Variants in DSCAM observed in about 807,000 individuals in gnomAD.
DSCAM encodes DS cell adhesion molecule, also known as cell adhesion molecule DSCAM.
In DSCAM, 47 loss-of-function variants were observed where a neutral mutation model predicts 217.7. That is an observed-to-expected ratio of 0.22 (90% CI 0.17 to 0.28). The LOEUF (loss-of-function observed/expected upper bound fraction) is 0.28, where lower values mean the gene tolerates loss of function less well. Ranked by LOEUF, DSCAM falls within the 10% of genes least tolerant of loss-of-function variation. The pLI, the probability that DSCAM is intolerant of heterozygous loss-of-function variation, is 1.00. For missense variants in DSCAM, 2,080 were observed against 2,618.3 expected (o/e 0.79, Z 4.49); for synonymous variants, 1,056 against 1,015.3 (o/e 1.04, Z -0.76).
intron 3 of DSCAM, among the ~76,000 whole-genome samples, chr21:40,575,001 CCT>C (rs2076837555): frequency 1.4e-5 from 2 of 148,096 alleles, no homozygotes; most frequent in African/African-American, 2.5e-5. Context: ...CATCGCATCC[CCT>C]GTGACCTTCA....
intron 9 of DSCAM, among the ~76,000 whole-genome samples, chr21:40,300,830 A>G (rs1313623791): frequency 6.6e-6 from 1 of 152,144 alleles, no homozygotes; most frequent in African/African-American, 2.4e-5. Context: ...CTGGGGTGGA[A>G]TCCAATATTT....
chr21:40,072,102 G>T (rs1286559174), intron 27 of DSCAM, among the ~76,000 whole-genome samples: 1 of 152,126 alleles, frequency 6.6e-6, no homozygotes, highest in Admixed American at 6.5e-5. Flanking sequence ...CACCTTTATA[G>T]TTCTGAGTCT....
intron 10 of DSCAM, among the ~76,000 whole-genome samples, chr21:40,289,731 T>G (rs1162221106): frequency 6.6e-6 from 1 of 152,224 alleles, no homozygotes; most frequent in Non-Finnish European, 1.5e-5. Context: ...GCATAGTATA[T>G]GTAGGGTTTG....
At chr21:40,356,713 G>C (rs543099716) in intron 4 of DSCAM, among the ~76,000 whole-genome samples, 198 of 152,286 alleles carry the variant, frequency 1.3e-3, no homozygotes, top group African/African-American at 4.3e-3. Flanking sequence ...AAAGATAAAA[G>C]CCTGGTCCCT....
rs1442461792 is a variant in DSCAM, at chr21:40,715,655, A to G, written c.44-6884T>C. Among the ~76,000 whole-genome samples, 3 of 152,218 alleles carry G rather than the reference A, an allele frequency of 2.0e-5. No individual in the cohort carries two copies. In the East Asian group the frequency reaches 5.8e-4, roughly 29 times the overall value. On this transcript the variant is annotated intron_variant, in intron 1 of 32. Transcript: ENST00000400454. ...AGCATAGTTAATAGTTCAACACGGC[A>G]GTTTTCAACTCAAATAAAAATGCTG...
chr21:40,198,337 T>TG (rs2091037045), intron 11 of DSCAM, among the ~76,000 whole-genome samples: 1 of 152,148 alleles, frequency 6.6e-6, no homozygotes, highest in Non-Finnish European at 1.5e-5. Context: ...TCCTCTGGCA[T>TG]GGTGATACTG....
chr21:40,753,982 G>A (rs1346739441), intron 1 of DSCAM, among the ~76,000 whole-genome samples: 1 of 152,186 alleles, frequency 6.6e-6, no homozygotes, highest in African/African-American at 2.4e-5. Context: ...ATTGAAGGGG[G>A]TTGTGCAAGC....
intron 10 of DSCAM, among the ~76,000 whole-genome samples, chr21:40,283,320 C>T (rs894430124): frequency 2.0e-5 from 3 of 152,168 alleles, no homozygotes; most frequent in Non-Finnish European, 4.4e-5. Context: ...AAAACACTGC[C>T]AATTTTCTGT....
At chr21:40,311,158 T>TC (rs2074133130) in intron 9 of DSCAM, among the ~76,000 whole-genome samples, 2 of 152,098 alleles carry the variant, frequency 1.3e-5, no homozygotes, top group Admixed American at 1.3e-4. Context: ...ACAGAAATCC[T>TC]CCCCCTCCTA....
chr21:40,487,781 T>G (rs1461413280), intron 3 of DSCAM, among the ~76,000 whole-genome samples: 1 of 152,138 alleles, frequency 6.6e-6, no homozygotes, highest in Non-Finnish European at 1.5e-5. Context: ...TGAGGGCTGT[T>G]TCCAGGGAGA....
At chr21:40,343,307 G>A (rs1235703321) in intron 6 of DSCAM, among the ~76,000 whole-genome samples, 4 of 152,052 alleles carry the variant, frequency 2.6e-5, no homozygotes, top group African/African-American at 9.7e-5. Flanking sequence ...CCTAACTAGG[G>A]CTGCTAGTAT....
chr21:40,475,618 G>A (rs140113209), intron 3 of DSCAM, among the ~76,000 whole-genome samples: 2,515 of 152,272 alleles, frequency 0.017, 71 homozygotes, highest in African/African-American at 0.057. Context: ...AGATCACAAG[G>A]TCAGGAGTTC....
intron 10 of DSCAM, among the ~76,000 whole-genome samples, chr21:40,291,638 G>A (rs189831736): frequency 1.5e-4 from 23 of 152,182 alleles, no homozygotes; most frequent in South Asian, 1.2e-3. Context: ...CTCACCTTCC[G>A]GTCTCCCTCG....
At chr21:40,145,457 C>G (rs1165056078) in intron 16 of DSCAM, among the ~76,000 whole-genome samples, 2 of 152,114 alleles carry the variant, frequency 1.3e-5, no homozygotes, top group Non-Finnish European at 2.9e-5. Context: ...GAGGCTGGTG[C>G]TAACTCCACC....
chr21:40,347,260 T>C (rs1000009565), intron 6 of DSCAM, among the ~76,000 whole-genome samples: 2 of 143,486 alleles, frequency 1.4e-5, no homozygotes. Context: ...ACTGTGCCAC[T>C]GCACTCCAGC....
At chr21:40,659,190 A>C (rs1443458103) in intron 3 of DSCAM, among the ~76,000 whole-genome samples, 1 of 152,196 alleles carries the variant, frequency 6.6e-6, no homozygotes, top group Non-Finnish European at 1.5e-5. Flanking sequence ...GAGGCAATTA[A>C]ACTCTGGGAA....
chr21:40,786,908 A>G (rs2091598962), intron 1 of DSCAM, among the ~76,000 whole-genome samples: 1 of 152,192 alleles, frequency 6.6e-6, no homozygotes, highest in Admixed American at 6.5e-5. Flanking sequence ...CATATTACGA[A>G]TCTGAAACTC....
chr21:40,047,484 G>A (rs1350060232), intron 30 of DSCAM, among the ~76,000 whole-genome samples: 1 of 152,176 alleles, frequency 6.6e-6, no homozygotes, highest in African/African-American at 2.4e-5. Context: ...AATAGCTCAT[G>A]GCCTTTCAAC....
At chr21:40,702,596 C>G (rs2090669095) in intron 2 of DSCAM, among the ~76,000 whole-genome samples, 1 of 152,028 alleles carries the variant, frequency 6.6e-6, no homozygotes, top group African/African-American at 2.4e-5. Flanking sequence ...CCTTATAATT[C>G]AGGTTACTGG....
Sources: gnomAD v4.1 joint callset for allele counts (sites outside exome capture counted in the v4.1 genomes callset) on GRCh38, gnomAD v4.1.1 for gene constraint, MANE v1.5 for transcripts, NCBI Gene and HGNC (gene_info 2026-07-23, HGNC 2026-07-21) for gene names.